KCNMA1: variants seen among roughly 807,000 people sequenced by gnomAD.
KCNMA1 encodes the protein potassium calcium-activated channel subfamily M alpha 1.
A neutral mutation model predicts 140.0 loss-of-function variants in KCNMA1; 29 were observed. The observed-to-expected ratio is 0.21, with a 90% confidence interval of 0.15 to 0.28. The LOEUF (loss-of-function observed/expected upper bound fraction) is 0.28, where lower values mean the gene tolerates loss of function less well. Among genes scored for constraint, KCNMA1 ranks in the 10% least tolerant of loss-of-function variants. The pLI is 1.00. For missense variants in KCNMA1, 880 were observed against 1,602.2 expected (o/e 0.55, Z 7.70); for synonymous variants, 612 against 611.9 (o/e 1.00, Z 0.00).
chr10:77,494,779 G>T (rs529266981), intron 1 of KCNMA1, among the ~76,000 whole-genome samples: 112 of 152,322 alleles, frequency 7.4e-4, no homozygotes, highest in African/African-American at 2.5e-3. Context: ...AGGTCTGGAG[G>T]CCAGAAGTCT....
At chr10:76,979,797 T>C (rs1181198869) in intron 19 of KCNMA1, 1 of 152,214 alleles carries the variant, frequency 6.6e-6, no homozygotes, top group African/African-American at 2.4e-5. Context: ...GGTGCACTGA[T>C]AATTTCTTTC....
At chr10:77,364,176 C>T (rs933380765) in intron 2 of KCNMA1, among the ~76,000 whole-genome samples, 3 of 152,076 alleles carry the variant, frequency 2.0e-5, no homozygotes, top group Admixed American at 6.5e-5. Context: ...TGCGGCCGGG[C>T]GCAGTGGCTC....
intron 5 of KCNMA1, among the ~76,000 whole-genome samples, chr10:77,134,630 G>A (rs1190384115): frequency 6.6e-6 from 1 of 151,986 alleles, no homozygotes; most frequent in Non-Finnish European, 1.5e-5. Context: ...CTAAAACACA[G>A]GCAATAAAAG....
intron 23 of KCNMA1, among the ~76,000 whole-genome samples, chr10:76,932,701 C>G (rs1196529079): frequency 1.3e-5 from 2 of 152,182 alleles, no homozygotes; most frequent in African/African-American, 2.4e-5. Context: ...GATTTAAAAG[C>G]TGTTCCTTAA....
intron 2 of KCNMA1, among the ~76,000 whole-genome samples, chr10:77,306,304 G>A (rs995880674): frequency 6.6e-6 from 1 of 152,220 alleles, no homozygotes; most frequent in African/African-American, 2.4e-5. Flanking sequence ...ATTAGGGAAT[G>A]CAAAGGGAAA....
At position 77,323,022 on chromosome 10, in the gene KCNMA1, A is replaced by G. The variant is rs77674377; in HGVS notation, c.541-71766T>C. ...TAAGACCACGTAATTGACTGGGACC[A>G]AACCAAGATCAGAATTCATAACCTC... On this transcript the variant is annotated intron_variant, in intron 2 of 27. Coordinates refer to ENST00000286628, the MANE Select transcript of KCNMA1 (RefSeq NM_001161352.2). Among the ~76,000 whole-genome samples, 94 of 152,340 alleles carry G rather than the reference A, an allele frequency of 6.2e-4. 1 individual carries two copies. In the East Asian group the frequency reaches 0.017, roughly 28 times the overall value.
At chr10:77,087,630 G>A (rs138386691) in intron 10 of KCNMA1, among the ~76,000 whole-genome samples, 1 of 152,102 alleles carries the variant, frequency 6.6e-6, no homozygotes, top group Non-Finnish European at 1.5e-5. Context: ...ACATGTATGC[G>A]ACTCATCACA....
chr10:77,432,240 A>T (rs2097170584), intron 1 of KCNMA1, among the ~76,000 whole-genome samples: 1 of 152,236 alleles, frequency 6.6e-6, no homozygotes, highest in African/African-American at 2.4e-5. Flanking sequence ...CACAAAACTC[A>T]TAGAATCACC....
intron 1 of KCNMA1, among the ~76,000 whole-genome samples, chr10:77,627,763 T>C (rs1477306564): frequency 6.6e-6 from 1 of 152,170 alleles, no homozygotes; most frequent in Non-Finnish European, 1.5e-5. Flanking sequence ...AGAAAGATCT[T>C]TCCAAGTTCA....
At chr10:77,133,006 G>A (rs1264683177) in intron 5 of KCNMA1, among the ~76,000 whole-genome samples, 2 of 151,724 alleles carry the variant, frequency 1.3e-5, no homozygotes, top group African/African-American at 2.4e-5. Flanking sequence ...AAGGAGAGAG[G>A]GCAATGGGAA....
intron 5 of KCNMA1, among the ~76,000 whole-genome samples, chr10:77,154,000 G>A (rs2154063928): frequency 6.6e-6 from 1 of 152,264 alleles, no homozygotes; most frequent in East Asian, 1.9e-4. Flanking sequence ...ATCTCATCTT[G>A]AATTGTAATC....
chr10:77,126,073 G>A (rs947114081), intron 5 of KCNMA1, among the ~76,000 whole-genome samples: 3 of 152,154 alleles, frequency 2.0e-5, no homozygotes, highest in South Asian at 2.1e-4. Context: ...TAAGAGAGGT[G>A]AGAGGGGGAA....
Position 77,631,531 on chromosome 10 carries a change from G to T in KCNMA1, c.378+5734C>A, listed in dbSNP as rs114364419. On this transcript the variant is annotated intron_variant, in intron 1 of 27. Coordinates refer to ENST00000286628, the MANE Select transcript of KCNMA1 (RefSeq NM_001161352.2). ...CTGCTGTGATTCACAGATTAGCATG[G>T]TCACTGCCAGTGTGAGCCGGGACGC... Among the ~76,000 whole-genome samples the T allele has an allele frequency of 1.9e-3, 287 of 152,342 alleles. 4 individuals carry two copies. The highest frequency in any genetic ancestry group is 6.7e-3 in the African/African-American group (280 of 41,582).
At chr10:77,412,878 GAA>G (rs1280563134) in intron 1 of KCNMA1, among the ~76,000 whole-genome samples, 1 of 151,876 alleles carries the variant, frequency 6.6e-6, no homozygotes, top group Non-Finnish European at 1.5e-5. Flanking sequence ...TGTTTTTTGA[GAA>G]AGAGTCTCAC....
chr10:76,984,822 T>A (rs1300371310), intron 19 of KCNMA1, among the ~76,000 whole-genome samples: 1 of 152,198 alleles, frequency 6.6e-6, no homozygotes, highest in African/African-American at 2.4e-5. Flanking sequence ...AAATAAACCT[T>A]AGCAATTGAG....
intron 5 of KCNMA1, among the ~76,000 whole-genome samples, chr10:77,141,041 C>T (rs1370034363): frequency 1.3e-5 from 2 of 152,074 alleles, no homozygotes; most frequent in Admixed American, 1.3e-4. Context: ...TGATGCCCAA[C>T]AAGAAAGAAA....
intron 1 of KCNMA1, among the ~76,000 whole-genome samples, chr10:77,619,181 A>T (rs1206367315): frequency 6.6e-6 from 1 of 152,188 alleles, no homozygotes; most frequent in Non-Finnish European, 1.5e-5. Flanking sequence ...ATGACTTTTA[A>T]GTAAGGAATT....
chr10:77,472,839 G>T (rs1359595802), intron 1 of KCNMA1, among the ~76,000 whole-genome samples: 2 of 152,186 alleles, frequency 1.3e-5, no homozygotes, highest in East Asian at 3.9e-4. Context: ...GGAGGCAGGT[G>T]GAACCCAGAG....
chr10:77,530,206 C>G (rs1417546143), intron 1 of KCNMA1, among the ~76,000 whole-genome samples: 1 of 152,180 alleles, frequency 6.6e-6, no homozygotes, highest in African/African-American at 2.4e-5. Context: ...CAGCTGGGTC[C>G]TGTTCCAAAA....
Sources: allele counts gnomAD v4.1 joint callset (sites outside exome capture counted in the v4.1 genomes callset), GRCh38; gene constraint gnomAD v4.1.1; transcripts MANE v1.5; gene names NCBI Gene and HGNC (gene_info 2026-07-23, HGNC 2026-07-21).